Variants in ADAM22 observed in about 807,000 individuals in gnomAD.
ADAM22 encodes the protein disintegrin and metalloproteinase domain-containing protein 22.
A neutral mutation model predicts 144.6 loss-of-function variants in ADAM22; 65 were observed. The observed-to-expected ratio is 0.45, with a 90% CI of 0.37 to 0.55. The LOEUF (loss-of-function observed/expected upper bound fraction) is 0.55. Ranked by LOEUF, ADAM22 falls within the 20% of genes least tolerant of loss-of-function variation. The pLI is 0.00. For synonymous variants in ADAM22, 391 were observed against 412.6 expected, an observed-to-expected ratio of 0.95 and a Z score of 0.63; for missense variants, 974 against 1,184.9, an observed-to-expected ratio of 0.82 and a Z score of 2.61.
chr7:87,935,281 C>G, intron 2 of ADAM22, 95 bp downstream of exon 2: 5 of 1,373,624 alleles, frequency 3.6e-6, no homozygotes, highest in Non-Finnish European at 4.8e-6. Context: ...CCCATGTCTT[C>G]TTGGGTGAAA....
Position 88,156,078 on chromosome 7 carries a change from G to A in ADAM22, c.1907+72G>A, listed in dbSNP as rs565510951. The A allele has an allele frequency of 6.3e-5, 97 of 1,548,688 alleles. No individual in the cohort carries two copies. In the African/African-American group the frequency reaches 6.5e-4, roughly 10 times the overall value. On this transcript the variant is annotated intron_variant, in intron 22 of 31. Transcript: ENST00000413139. ...AGGAATGCAGTTTAGGATTCCTTCC[G>A]TTTTCAATTAATGTACATGTTAGTA...
chr7:88,195,162 A>G, intron 31 of ADAM22, among the ~76,000 whole-genome samples: 1 of 152,258 alleles, frequency 6.6e-6, no homozygotes, highest in East Asian at 1.9e-4. Context: ...GGAATTGGAT[A>G]CAACCTAAGT....
At chr7:88,090,199 T>A (rs1342249252) in intron 4 of ADAM22, among the ~76,000 whole-genome samples, 1 of 152,168 alleles carries the variant, frequency 6.6e-6, no homozygotes, top group Non-Finnish European at 1.5e-5. Flanking sequence ...GCTGGGAGAT[T>A]TAGGTTAAGG....
At chr7:88,101,891 C>T (rs1436944735) in intron 4 of ADAM22, among the ~76,000 whole-genome samples, 3 of 152,160 alleles carry the variant, frequency 2.0e-5, no homozygotes, top group South Asian at 2.1e-4. Context: ...CTGCATCCTC[C>T]GAGCTTCTGA....
At chr7:88,046,005 C>A (rs779717238) in intron 3 of ADAM22, among the ~76,000 whole-genome samples, 2 of 149,440 alleles carry the variant, frequency 1.3e-5, no homozygotes, top group East Asian at 4.0e-4. Context: ...TTAGGTATTG[C>A]GAATAGTGCT....
At chr7:88,136,781 G>A (rs1833086132) in intron 14 of ADAM22, among the ~76,000 whole-genome samples, 1 of 151,620 alleles carries the variant, frequency 6.6e-6, no homozygotes, top group African/African-American at 2.4e-5. Context: ...ACTTACTCTT[G>A]TAACCAAATA....
chr7:87,934,293 A>G lies in ADAM22; in HGVS notation c.-173A>G, dbSNP rs1326865930. On this transcript the variant is annotated 5_prime_UTR_variant, in exon 1 of 32. Coordinates refer to ENST00000413139, the MANE Select transcript of ADAM22 (RefSeq NM_001324418.2). ...GCCAGCGGAAGCGTCCGCGAAGCAC[A>G]ATGCAGCACTGAGCCGCGGTGGAGG... 3 of 544,330 alleles carry G rather than the reference A, an allele frequency of 5.5e-6. No homozygotes were observed. Among genetic ancestry groups the G allele is most frequent in the African/African-American group, 4.1e-5 (2 of 49,310 alleles). The allele number at this position is 544,330 out of a possible 1,614,324, so 33.7% of individuals were successfully genotyped here. A position where few individuals can be genotyped will look rare whatever the true frequency, so the allele number is the denominator to read the frequency against.
chr7:88,113,709 T>A lies in ADAM22; in HGVS notation c.474-875T>A, dbSNP rs1489599894. Among the ~76,000 whole-genome samples the A allele has an allele frequency of 7.7e-3, 762 of 98,682 alleles. 9 individuals are homozygous for A. Among genetic ancestry groups the A allele is most frequent in the African/African-American group, 0.032 (704 of 22,336 alleles). 64.7% of individuals were successfully genotyped at this position (98,682 alleles called of 152,430 possible). ...TATTATAAATAAATAAATAAATATA[T>A]ATATATATATATATATATATATATA... On this transcript the variant is annotated intron_variant, in intron 5 of 31. Transcript: ENST00000413139.
chr7:88,052,389 G>A (rs930449769), intron 3 of ADAM22, among the ~76,000 whole-genome samples: 3 of 150,318 alleles, frequency 2.0e-5, no homozygotes, highest in African/African-American at 7.3e-5. Context: ...GGCACCTGTA[G>A]TCCCAGCTAC....
At chr7:88,138,838 A>C (rs1833760186) in intron 14 of ADAM22, among the ~76,000 whole-genome samples, 1 of 152,320 alleles carries the variant, frequency 6.6e-6, no homozygotes, top group East Asian at 1.9e-4. Flanking sequence ...GGCAAAATAA[A>C]GGTAAGAACA....
intron 7 of ADAM22, among the ~76,000 whole-genome samples, chr7:88,117,656 G>A (rs1008888918): frequency 3.3e-5 from 5 of 151,848 alleles, no homozygotes; most frequent in Non-Finnish European, 5.9e-5. Context: ...ATCTGGTATG[G>A]AGATGCTTCC....
At chr7:88,095,722 T>C (rs1239353841) in intron 4 of ADAM22, among the ~76,000 whole-genome samples, 1 of 152,216 alleles carries the variant, frequency 6.6e-6, no homozygotes, top group African/African-American at 2.4e-5. Flanking sequence ...AAAAATTGTA[T>C]AAAATACCTC....
chr7:88,069,224 C>T (rs1439342782), intron 3 of ADAM22, among the ~76,000 whole-genome samples: 1 of 151,860 alleles, frequency 6.6e-6, no homozygotes, highest in Non-Finnish European at 1.5e-5. Context: ...TCCTTCTCTC[C>T]CTTTCCTTCT....
chr7:88,142,808 A>ACAGTCCG (rs1835168368), intron 14 of ADAM22, among the ~76,000 whole-genome samples: 11 of 151,878 alleles, frequency 7.2e-5, no homozygotes, highest in Admixed American at 5.9e-4. Context: ...ACTGCACTCC[A>ACAGTCCG]GCCTGGGCGA....
chr7:88,044,233 ATTAAC>A (rs1279370216), intron 3 of ADAM22, among the ~76,000 whole-genome samples: 3 of 152,314 alleles, frequency 2.0e-5, no homozygotes, highest in African/African-American at 7.2e-5. Flanking sequence ...GTGGTTTAAA[ATTAAC>A]TTAAAAGTTA....
intron 4 of ADAM22, among the ~76,000 whole-genome samples, chr7:88,107,781 A>G (rs1390688084): frequency 6.6e-6 from 1 of 150,800 alleles, no homozygotes; most frequent in African/African-American, 2.4e-5. Flanking sequence ...TTGTAGAGAC[A>G]GGGTCTTGCT....
chr7:87,994,120 T>C (rs1302347217), intron 3 of ADAM22, among the ~76,000 whole-genome samples: 1 of 152,162 alleles, frequency 6.6e-6, no homozygotes, highest in Non-Finnish European at 1.5e-5. Context: ...TGGCTTTGTG[T>C]TAATTGAAGT....
intron 4 of ADAM22, among the ~76,000 whole-genome samples, chr7:88,099,335 G>A (rs1361727160): frequency 6.6e-6 from 1 of 152,176 alleles, no homozygotes; most frequent in African/African-American, 2.4e-5. Flanking sequence ...AGCCAGAATA[G>A]CAACATTTTC....
chr7:88,107,377 T>A (rs1824719357), intron 4 of ADAM22, among the ~76,000 whole-genome samples: 1 of 151,670 alleles, frequency 6.6e-6, no homozygotes, highest in Non-Finnish European at 1.5e-5. Flanking sequence ...AATTTTGTAT[T>A]TTTAGAAGAG....
Sources: allele counts gnomAD v4.1 joint callset (sites outside exome capture counted in the v4.1 genomes callset), GRCh38; gene constraint gnomAD v4.1.1; transcripts MANE v1.5; gene names NCBI Gene and HGNC (gene_info 2026-07-23, HGNC 2026-07-21).